FRMD6: variants seen among roughly 807,000 people sequenced by gnomAD.
The protein encoded by FRMD6 is FERM domain-containing protein 6.
A neutral mutation model predicts 73.2 loss-of-function variants in FRMD6; 37 were observed. That is an observed-to-expected ratio of 0.51 (90% confidence interval 0.39 to 0.66). The LOEUF (loss-of-function observed/expected upper bound fraction) is 0.66. FRMD6 is among the 30% of genes least tolerant of loss of function. The pLI is 0.00. For synonymous variants in FRMD6, 273 were observed against 282.2 expected, an observed-to-expected ratio of 0.97 and a Z score of 0.33; for missense variants, 714 against 780.5, an observed-to-expected ratio of 0.91 and a Z score of 1.02.
the FRMD6 span, among the ~76,000 whole-genome samples, chr14:51,406,527 G>C: frequency 3.3e-5 from 5 of 152,196 alleles, no homozygotes; most frequent in South Asian, 2.1e-4. Context: ...TCATTGTAGA[G>C]GTCTTTCACC....
chr14:51,724,956 G>C (rs1436393638), intron 12 of FRMD6, among the ~76,000 whole-genome samples: 2 of 152,104 alleles, frequency 1.3e-5, no homozygotes, highest in African/African-American at 4.8e-5. Flanking sequence ...ATTTTGGCGG[G>C]TTTCCACCGA....
chr14:51,568,475 A>C (rs932537794), intron 1 of FRMD6, among the ~76,000 whole-genome samples: 9 of 152,228 alleles, frequency 5.9e-5, no homozygotes, highest in Non-Finnish European at 1.2e-4. Flanking sequence ...CCCTATGTGG[A>C]AGTGAGGAGA....
chr14:51,593,302 A>G (rs561141003), intron 2 of FRMD6, among the ~76,000 whole-genome samples: 13 of 152,358 alleles, frequency 8.5e-5, no homozygotes, highest in African/African-American at 2.9e-4. Flanking sequence ...TAATGCAGCC[A>G]AAGAAACATG....
At chr14:51,652,082 C>T (rs139014790) in intron 1 of FRMD6, 86 bp downstream of exon 1, 7,681 of 151,870 alleles carry the variant, frequency 0.051, 293 homozygotes, top group Non-Finnish European at 0.073. Context: ...GTGCCCCCTG[C>T]CGGCGGGGCG....
intron 1 of FRMD6, among the ~76,000 whole-genome samples, chr14:51,684,394 A>T (rs1455021995): frequency 6.6e-6 from 1 of 152,222 alleles, no homozygotes; most frequent in Non-Finnish European, 1.5e-5. Flanking sequence ...GGCCACACAC[A>T]TTCAAGAGGT....
chr14:51,653,377 T>C (rs1892571668), intron 1 of FRMD6, among the ~76,000 whole-genome samples: 1 of 152,244 alleles, frequency 6.6e-6, no homozygotes, highest in African/African-American at 2.4e-5. Context: ...TTTCCAAGAA[T>C]GTAAGTCATT....
chr14:51,478,781 G>C, the FRMD6 span, among the ~76,000 whole-genome samples: 1 of 152,088 alleles, frequency 6.6e-6, no homozygotes, highest in Admixed American at 6.6e-5. Flanking sequence ...TGGAAGTCGG[G>C]GACCACGAGG....
At position 51,730,684 on chromosome 14, in the gene FRMD6, A is replaced by G. The variant is rs1025084406; in HGVS notation, c.*2655A>G. ...TGTAATTATTTCTTATAGATATTTC[A>G]TGGTAAGATTAGCAGTCAATAAAGT... On this transcript the variant is annotated 3_prime_UTR_variant, in exon 14 of 14. Transcript: ENST00000344768. The G allele has an allele frequency of 7.9e-5, 12 of 152,272 alleles. No individual in the cohort carries two copies. Among genetic ancestry groups the G allele is most frequent in the Non-Finnish European group, 1.3e-4 (9 of 68,026 alleles). The allele number at this position is 152,272 out of a possible 1,614,324, so 9.4% of individuals were successfully genotyped here.
chr14:51,642,414 C>T (rs910326532), intron 2 of FRMD6, among the ~76,000 whole-genome samples: 3 of 152,112 alleles, frequency 2.0e-5, no homozygotes, highest in African/African-American at 7.2e-5. Flanking sequence ...GCAGAGCACA[C>T]CTGTAATGCC....
chr14:51,531,897 TCA>T (rs1050069130), intron 1 of FRMD6, among the ~76,000 whole-genome samples: 3 of 152,230 alleles, frequency 2.0e-5, no homozygotes, highest in African/African-American at 7.2e-5. Flanking sequence ...TCTCTGAGTA[TCA>T]GTTAATTTTT....
At chr14:51,537,379 C>T (rs1196113605) in intron 1 of FRMD6, among the ~76,000 whole-genome samples, 1 of 152,136 alleles carries the variant, frequency 6.6e-6, no homozygotes, top group Non-Finnish European at 1.5e-5. Flanking sequence ...TTGGACGGAC[C>T]ACAGTTTTTA....
At chr14:51,434,925 A>C in the FRMD6 span, among the ~76,000 whole-genome samples, 80,755 of 151,912 alleles carry the variant, frequency 0.53, 21,885 homozygotes, top group East Asian at 0.67. Flanking sequence ...TTATCAGATC[A>C]AAGTCTAGGG....
intron 1 of FRMD6, among the ~76,000 whole-genome samples, chr14:51,512,675 C>G (rs1950918): frequency 7.3e-5 from 11 of 151,606 alleles, no homozygotes; most frequent in Admixed American, 7.2e-4. Context: ...CAGCACAAAT[C>G]GGTGGGTTCT....
intron 2 of FRMD6, among the ~76,000 whole-genome samples, chr14:51,636,430 C>A (rs1342778034): frequency 2.0e-5 from 3 of 152,078 alleles, no homozygotes; most frequent in Non-Finnish European, 4.4e-5. Context: ...GGTCCATATT[C>A]CTGCCGTAAA....
intron 1 of FRMD6, among the ~76,000 whole-genome samples, chr14:51,536,296 T>G (rs1456773838): frequency 6.6e-6 from 1 of 151,910 alleles, no homozygotes; most frequent in Non-Finnish European, 1.5e-5. Context: ...CTCACTATGT[T>G]ATCCTGGCTA....
chr14:51,624,578 G>A (rs1891050060), intron 2 of FRMD6, among the ~76,000 whole-genome samples: 1 of 152,162 alleles, frequency 6.6e-6, no homozygotes, highest in Non-Finnish European at 1.5e-5. Context: ...TGCATGGTAT[G>A]AGCGTGTGAT....
chr14:51,672,719 C>T (rs978238419), intron 1 of FRMD6, among the ~76,000 whole-genome samples: 11 of 152,028 alleles, frequency 7.2e-5, no homozygotes, highest in Admixed American at 5.9e-4. Context: ...TTATCTATTT[C>T]GTCTTGAATG....
At chr14:51,539,205 T>C (rs2139359447) in intron 1 of FRMD6, among the ~76,000 whole-genome samples, 1 of 152,254 alleles carries the variant, frequency 6.6e-6, no homozygotes, top group Non-Finnish European at 1.5e-5. Context: ...CTGTTTTCTG[T>C]CTGGATGTCA....
At position 51,678,344 on chromosome 14, in the gene FRMD6, A is replaced by G. The variant is rs188157713; in HGVS notation, c.-146-11347A>G. Reference sequence around the variant, plus strand: ...TGTCTCCTTATGTGTTTGCTTTCACATAAGTTGGCTTAACCTGACACACAT... The same window carrying G: ...TGTCTCCTTATGTGTTTGCTTTCACGTAAGTTGGCTTAACCTGACACACAT... On this transcript the variant is annotated intron_variant, in intron 1 of 13. Coordinates refer to ENST00000344768, the MANE Select transcript of FRMD6 (RefSeq NM_001267046.2). 5.7e-3 allele frequency among the ~76,000 whole-genome samples: 861 copies of G among 152,270 alleles called. 2 individuals carry two copies. The highest frequency in any genetic ancestry group is 9.9e-3 in the Non-Finnish European group (676 of 68,006).
Sources: gnomAD v4.1 joint callset for allele counts (sites outside exome capture counted in the v4.1 genomes callset) on GRCh38, gnomAD v4.1.1 for gene constraint, MANE v1.5 for transcripts, NCBI Gene and HGNC (gene_info 2026-07-23, HGNC 2026-07-21) for gene names.